NWD1: variants seen among roughly 807,000 people sequenced by gnomAD.
NWD1 encodes the protein NACHT domain- and WD repeat-containing protein 1.
Under a neutral mutation model 135.1 loss-of-function variants are expected in NWD1, and 129 were observed. The observed-to-expected ratio is 0.96, with a 90% CI of 0.83 to 1.11. The LOEUF is 1.11. Ranked by LOEUF, NWD1 falls within the 50% of genes least tolerant of loss-of-function variation. The probability of loss-of-function intolerance (pLI) is 0.00; values close to 1 mark genes in which losing one functional copy is unlikely to be tolerated. For missense variants in NWD1, 1,740 were observed against 1,851.3 expected, an observed-to-expected ratio of 0.94 and a Z score of 1.10; for synonymous variants, 773 against 786.0, an observed-to-expected ratio of 0.98 and a Z score of 0.28.
intron 4 of NWD1, among the ~76,000 whole-genome samples, chr19:16,737,119 A>T (rs192257932): frequency 1.3e-5 from 2 of 151,404 alleles, no homozygotes; most frequent in African/African-American, 2.4e-5. Context: ...GTCTTGGGAT[A>T]TTTTTTTTCC....
intron 1 of NWD1, among the ~76,000 whole-genome samples, chr19:16,722,882 C>T (rs964628161): frequency 1.3e-4 from 20 of 152,056 alleles, no homozygotes; most frequent in African/African-American, 2.4e-4. Context: ...ATAAAAACCC[C>T]GGACACCAAG....
intron 2 of NWD1, 57 bp from the exon 3 acceptor site, chr19:16,731,135 A>G: frequency 1.2e-6 from 1 of 848,124 alleles, no homozygotes; most frequent in Non-Finnish European, 1.8e-6. Context: ...CAGAGCTATG[A>G]GGCTGGGAAG....
At chr19:16,728,631 C>G (rs116352943) in intron 2 of NWD1, among the ~76,000 whole-genome samples, 7 of 150,132 alleles carry the variant, frequency 4.7e-5, no homozygotes, top group African/African-American at 1.7e-4. Flanking sequence ...CATCCTGGTT[C>G]GGGGAATGGA....
intron 3 of NWD1, among the ~76,000 whole-genome samples, chr19:16,735,323 G>A (rs1360969110): frequency 2.6e-5 from 4 of 151,932 alleles, no homozygotes; most frequent in African/African-American, 9.7e-5. Context: ...GGCCAACATA[G>A]CAAAACTTTA....
intron 2 of NWD1, among the ~76,000 whole-genome samples, chr19:16,725,603 A>G (rs1194652973): frequency 1.3e-5 from 2 of 152,036 alleles, no homozygotes; most frequent in African/African-American, 4.8e-5. Context: ...CTCAGGCTGG[A>G]ATGCAGTGGC....
At chr19:16,795,543 A>G (rs1271889645) in intron 15 of NWD1, among the ~76,000 whole-genome samples, 3 of 151,650 alleles carry the variant, frequency 2.0e-5, no homozygotes, top group African/African-American at 7.3e-5. Flanking sequence ...CAGTCTCCCA[A>G]GTATCTGGGA....
chr19:16,730,722 A>T (rs1020778955), intron 2 of NWD1, among the ~76,000 whole-genome samples: 1 of 151,878 alleles, frequency 6.6e-6, no homozygotes, highest in Admixed American at 6.6e-5. Context: ...TCCCTTAAAA[A>T]ACATTTTTTT....
chr19:16,805,893 G>A (rs1347483450), intron 17 of NWD1, among the ~76,000 whole-genome samples: 2 of 151,056 alleles, frequency 1.3e-5, no homozygotes, highest in Non-Finnish European at 1.5e-5. Flanking sequence ...TTTTGAGAGG[G>A]AGTTTCCATC....
At chr19:16,747,929 T>C (rs1361425147) in intron 5 of NWD1, among the ~76,000 whole-genome samples, 1 of 152,184 alleles carries the variant, frequency 6.6e-6, no homozygotes, top group Admixed American at 6.5e-5. Flanking sequence ...TAGTATCCCA[T>C]TGTGTGGAAG....
At chr19:16,800,763 G>C (rs767533905) in intron 17 of NWD1, among the ~76,000 whole-genome samples, 3 of 151,986 alleles carry the variant, frequency 2.0e-5, no homozygotes, top group East Asian at 3.9e-4. Context: ...ATTCAGGAAC[G>C]CCCCACATTC....
intron 17 of NWD1, among the ~76,000 whole-genome samples, chr19:16,800,489 A>G (rs1409189654): frequency 6.6e-6 from 1 of 152,030 alleles, no homozygotes; most frequent in Non-Finnish European, 1.5e-5. Flanking sequence ...CGGGATCCTG[A>G]CTCTGCACTC....
At chr19:16,782,284 TA>T (rs35838598) in intron 12 of NWD1, among the ~76,000 whole-genome samples, 2,205 of 76,252 alleles carry the variant, frequency 0.029, 38 homozygotes, top group African/African-American at 0.068. Context: ...ACGTCACCTC[TA>T]AAAAAAAAAA....
At chr19:16,736,601 C>T (rs1018170664) in intron 3 of NWD1, 33 bp from the exon 4 acceptor site, 5 of 1,323,382 alleles carry the variant, frequency 3.8e-6, no homozygotes, top group African/African-American at 1.5e-5. Flanking sequence ...TGTCATGCCA[C>T]CTCTCTGACA....
At position 16,760,549 on chromosome 19, in the gene NWD1, C is replaced by T. The variant is rs1443587892; in HGVS notation, c.1973+1121C>T. ...TGCTGGGATTACAGGTGTGAGCTAC[C>T]ATGCCTGGCCAATTCACCACATTTT... On this transcript the variant is annotated intron_variant, in intron 7 of 18. Coordinates refer to ENST00000524140, the MANE Select transcript of NWD1 (RefSeq NM_001007525.5). Among the ~76,000 whole-genome samples the T allele has an allele frequency of 2.6e-5, 4 of 151,032 alleles. No homozygotes were observed. The East Asian group carries it at 7.9e-4, about 30-fold the overall frequency.
At chr19:16,763,403 C>T (rs539168861) in intron 8 of NWD1, among the ~76,000 whole-genome samples, 83 of 152,292 alleles carry the variant, frequency 5.5e-4, no homozygotes, top group Non-Finnish European at 1.0e-3. Context: ...TCCCTACTCT[C>T]ATTTCCCACC....
chr19:16,806,712 T>TAATA, intron 17 of NWD1, among the ~76,000 whole-genome samples: 1 of 150,174 alleles, frequency 6.7e-6, no homozygotes, highest in Non-Finnish European at 1.5e-5. Context: ...CTCCGTCTCT[T>TAATA]AATAAATAAA....
chr19:16,768,757 G>C (rs1232292570), intron 10 of NWD1, among the ~76,000 whole-genome samples: 2 of 152,168 alleles, frequency 1.3e-5, no homozygotes, highest in African/African-American at 4.8e-5. Context: ...CACAAAGGAA[G>C]GGGGAGTATT....
chr19:16,794,593 T>A lies in NWD1; in HGVS notation c.3304+40T>A, dbSNP rs1393769694. 10 of 1,377,000 alleles carry A rather than the reference T, an allele frequency of 7.3e-6. No homozygotes were observed. The East Asian group carries it at 2.2e-4, about 30-fold the overall frequency. The allele number at this position is 1,377,000 out of a possible 1,614,324, so 85.3% of individuals were successfully genotyped here. A position where few individuals can be genotyped will look rare whatever the true frequency, so the allele number is the denominator to read the frequency against. ...TCATTTGGAGTAGTGAGGAAGCTAA[T>A]CAGGATCAGGTTGGAGAAGGGGGTG... On this transcript the variant is annotated intron_variant, in intron 15 of 18. Coordinates refer to ENST00000524140, the MANE Select transcript of NWD1 (RefSeq NM_001007525.5).
chr19:16,732,652 C>T (rs1343329984), intron 3 of NWD1, among the ~76,000 whole-genome samples: 1 of 21,684 alleles, frequency 4.6e-5, no homozygotes, highest in African/African-American at 5.3e-4. Flanking sequence ...AAGACTTCAT[C>T]TCAAAAAAAA....
Sources: allele counts gnomAD v4.1 joint callset (sites outside exome capture counted in the v4.1 genomes callset), GRCh38; gene constraint gnomAD v4.1.1; transcripts MANE v1.5; gene names NCBI Gene and HGNC (gene_info 2026-07-23, HGNC 2026-07-21).